DYNLT5: variants seen among roughly 807,000 people sequenced by gnomAD.
The protein encoded by DYNLT5 is dynein light chain Tctex-type family member 5.
A neutral mutation model predicts 19.3 loss-of-function variants in DYNLT5; 25 were observed. The ratio of observed to expected loss-of-function variants is 1.30; its 90% CI spans 0.95 to 1.81. DYNLT5 has a LOEUF of 1.81. Ranked by LOEUF, DYNLT5 falls within the 40% of genes most tolerant of loss-of-function variation. The pLI is 0.00. For missense variants in DYNLT5, 232 were observed against 217.9 expected (o/e 1.06, Z -0.41); for synonymous variants, 82 against 68.9 (o/e 1.19, Z -0.94).
At chr1:66,755,000 C>A (rs912702261) in intron 2 of DYNLT5, among the ~76,000 whole-genome samples, 11 of 152,038 alleles carry the variant, frequency 7.2e-5, no homozygotes, top group African/African-American at 2.7e-4. Flanking sequence ...AAAATCATCC[C>A]AAAAAACCCT....
At chr1:66,770,618 T>C in intron 3 of DYNLT5, 140 bp downstream of exon 3, 1 of 762,038 alleles carries the variant, frequency 1.3e-6, no homozygotes, top group South Asian at 1.4e-5. Context: ...TGATTTGATG[T>C]TGCTTTAGTT....
At chr1:66,757,436 T>C (rs1416006490) in intron 2 of DYNLT5, among the ~76,000 whole-genome samples, 1 of 152,224 alleles carries the variant, frequency 6.6e-6, no homozygotes, top group East Asian at 1.9e-4. Flanking sequence ...AATTTTTATG[T>C]TTTATTAAAG....
rs774560363 is a variant in DYNLT5 at position 66,776,420 on chromosome 1, C to A, written c.336+17C>A. The A allele has an allele frequency of 1.9e-6, 3 of 1,584,004 alleles. No individual in the cohort carries two copies. Among genetic ancestry groups the A allele is most frequent in the East Asian group, 2.3e-5 (1 of 44,150 alleles). On this transcript the variant is annotated intron_variant, in intron 4 of 4. Transcript: ENST00000282670. ...ATTTCTGAGGTACGTGTGTGATTTG[C>A]CCAAAGTGTTAACAATAGCTAGAAT...
chr1:66,773,156 G>A (rs1228937824), intron 3 of DYNLT5, among the ~76,000 whole-genome samples: 1 of 152,136 alleles, frequency 6.6e-6, no homozygotes, highest in East Asian at 1.9e-4. Flanking sequence ...GTTTTCCACA[G>A]GACTTTTTCT....
chr1:66,760,352 G>A (rs2094643815), intron 2 of DYNLT5, among the ~76,000 whole-genome samples: 1 of 152,002 alleles, frequency 6.6e-6, no homozygotes, highest in African/African-American at 2.4e-5. Flanking sequence ...GCATATAATA[G>A]TCACTCAGTA....
At chr1:66,771,551 C>A (rs931441973) in intron 3 of DYNLT5, among the ~76,000 whole-genome samples, 1 of 152,166 alleles carries the variant, frequency 6.6e-6, no homozygotes, top group African/African-American at 2.4e-5. Flanking sequence ...AGCCCTGAAA[C>A]TTGAAGGAAT....
At chr1:66,775,406 T>C (rs1199016468) in intron 3 of DYNLT5, 3 of 152,236 alleles carry the variant, frequency 2.0e-5, no homozygotes, top group African/African-American at 7.2e-5. Flanking sequence ...TATTCATTAT[T>C]ATATATGTAT....
chr1:66,770,253 G>A (rs1224086317), intron 2 of DYNLT5, 134 bp from the exon 3 acceptor site: 2 of 628,710 alleles, frequency 3.2e-6, no homozygotes, highest in Non-Finnish European at 5.6e-6. Context: ...TATGCCACTA[G>A]GATATTTACA....
chr1:66,757,602 A>T (rs948304575), intron 2 of DYNLT5, among the ~76,000 whole-genome samples: 5 of 152,078 alleles, frequency 3.3e-5, no homozygotes, highest in African/African-American at 1.2e-4. Flanking sequence ...TGTAATTTCA[A>T]ATTATTTTTT....
chr1:66,764,663 G>A (rs935393291), intron 2 of DYNLT5, among the ~76,000 whole-genome samples: 2 of 152,226 alleles, frequency 1.3e-5, no homozygotes, highest in African/African-American at 4.8e-5. Flanking sequence ...GTAGAGACAT[G>A]AAGTAAGCAC....
At chr1:66,776,632 T>C (rs987739282) in intron 4 of DYNLT5, among the ~76,000 whole-genome samples, 1 of 152,142 alleles carries the variant, frequency 6.6e-6, no homozygotes, top group African/African-American at 2.4e-5. Flanking sequence ...GCATGCATTA[T>C]GTAAAAGTGT....
At chr1:66,760,174 C>T (rs532592099) in intron 2 of DYNLT5, among the ~76,000 whole-genome samples, 2 of 152,298 alleles carry the variant, frequency 1.3e-5, no homozygotes, top group Non-Finnish European at 2.9e-5. Flanking sequence ...TTCCCTGAGG[C>T]ATGTATCACC....
intron 2 of DYNLT5, among the ~76,000 whole-genome samples, chr1:66,763,547 C>T (rs939540758): frequency 6.6e-6 from 1 of 152,216 alleles, no homozygotes; most frequent in Non-Finnish European, 1.5e-5. Context: ...ATGATCTTAG[C>T]TTATCCGATG....
intron 2 of DYNLT5, among the ~76,000 whole-genome samples, chr1:66,767,617 ATTAG>A (rs1572548787): frequency 6.6e-6 from 1 of 152,198 alleles, no homozygotes; most frequent in South Asian, 2.1e-4. Flanking sequence ...CAAACTCTGC[ATTAG>A]TTAGACTTTC....
chr1:66,776,543 A>G, intron 4 of DYNLT5, 140 bp downstream of exon 4: 3 of 792,218 alleles, frequency 3.8e-6, no homozygotes, highest in Non-Finnish European at 3.5e-6. Context: ...CATATTCTAC[A>G]TATATGTGTG....
chr1:66,755,346 AG>A (rs1358139600), intron 2 of DYNLT5, among the ~76,000 whole-genome samples: 2 of 152,158 alleles, frequency 1.3e-5, no homozygotes, highest in Non-Finnish European at 2.9e-5. Context: ...AGTAGGTCAA[AG>A]GGCAATAAGT....
In DYNLT5 at chr1:66,754,521, T is replaced by A. The variant is rs971903077; in HGVS notation, c.-3-135T>A. ...AATAACAACAAATTCTATATATTGCTCTTGAGGAAACCCCACTTTCCTGTT... is the reference window on the plus strand; with the variant it reads ...AATAACAACAAATTCTATATATTGCACTTGAGGAAACCCCACTTTCCTGTT... On this transcript the variant is annotated intron_variant, in intron 1 of 4. Transcript: ENST00000282670. The A allele has an allele frequency of 1.8e-5, 15 of 811,304 alleles. No individual in the cohort carries two copies. The African/African-American group carries it at 2.7e-4, about 14-fold the overall frequency. 50.3% of individuals were successfully genotyped at this position (811,304 alleles called of 1,614,324 possible).
At chr1:66,755,115 C>G (rs1321894977) in intron 2 of DYNLT5, among the ~76,000 whole-genome samples, 1 of 152,088 alleles carries the variant, frequency 6.6e-6, no homozygotes, top group Non-Finnish European at 1.5e-5. Context: ...TTTTTGTAAT[C>G]AATACATACA....
intron 2 of DYNLT5, among the ~76,000 whole-genome samples, chr1:66,766,308 A>G (rs1336576657): frequency 6.6e-6 from 1 of 152,228 alleles, no homozygotes; most frequent in Non-Finnish European, 1.5e-5. Context: ...CTGATGACAG[A>G]CAACTGAAAC....
Sources: gnomAD v4.1 joint callset for allele counts (sites outside exome capture counted in the v4.1 genomes callset) on GRCh38, gnomAD v4.1.1 for gene constraint, MANE v1.5 for transcripts, NCBI Gene and HGNC (gene_info 2026-07-23, HGNC 2026-07-21) for gene names.